The following SMURF1 variants were observed in gnomAD, a reference collection of about 807,000 sequenced individuals.
SMURF1 encodes the protein E3 ubiquitin-protein ligase SMURF1.
In SMURF1, 44 loss-of-function variants were observed where a neutral mutation model predicts 98.0. The observed-to-expected ratio is 0.45, with a 90% CI of 0.35 to 0.58. The LOEUF (loss-of-function observed/expected upper bound fraction) is 0.58. Among genes scored for constraint, SMURF1 ranks in the 20% least tolerant of loss-of-function variants. The pLI, the probability that SMURF1 is intolerant of heterozygous loss-of-function variation, is 0.00. For synonymous variants in SMURF1, 396 were observed against 374.9 expected, an observed-to-expected ratio of 1.06 and a Z score of -0.65; for missense variants, 687 against 938.4, an observed-to-expected ratio of 0.73 and a Z score of 3.50.
intron 11 of SMURF1, among the ~76,000 whole-genome samples, chr7:99,043,164 C>G (rs1795450234): frequency 6.6e-6 from 1 of 152,138 alleles, no homozygotes; most frequent in Non-Finnish European, 1.5e-5. Context: ...TCCGACCGAG[C>G]CATGGACAGC....
intron 9 of SMURF1, 59 bp downstream of exon 9, chr7:99,049,504 C>G: frequency 6.5e-7 from 1 of 1,546,686 alleles, no homozygotes; most frequent in Non-Finnish European, 8.9e-7. Context: ...AATACCAGTC[C>G]AAGAAAGCAT....
intron 5 of SMURF1, among the ~76,000 whole-genome samples, chr7:99,055,595 A>G (rs1480159100): frequency 1.3e-5 from 2 of 152,174 alleles, no homozygotes; most frequent in Non-Finnish European, 2.9e-5. Flanking sequence ...CCTCAGCCTC[A>G]GAGTAGCTAG....
At chr7:99,089,105 G>T (rs1461027662) in intron 1 of SMURF1, among the ~76,000 whole-genome samples, 1 of 151,948 alleles carries the variant, frequency 6.6e-6, no homozygotes, top group Non-Finnish European at 1.5e-5. Context: ...TCAGGAGGCT[G>T]AGGCAGGAGA....
At chr7:99,069,123 G>A (rs781380789) in intron 1 of SMURF1, among the ~76,000 whole-genome samples, 8 of 152,060 alleles carry the variant, frequency 5.3e-5, no homozygotes, top group African/African-American at 1.4e-4. Context: ...AACAAAAAAC[G>A]GTGACAGAGC....
At chr7:99,111,594 A>C (rs914000872) in intron 1 of SMURF1, among the ~76,000 whole-genome samples, 1 of 152,222 alleles carries the variant, frequency 6.6e-6, no homozygotes, top group Admixed American at 6.5e-5. Flanking sequence ...GCCAGAATCA[A>C]CTGTTTCAGA....
intron 1 of SMURF1, among the ~76,000 whole-genome samples, chr7:99,125,365 G>T (rs901754123): frequency 1.3e-5 from 2 of 152,150 alleles, no homozygotes; most frequent in East Asian, 3.9e-4. Flanking sequence ...GGGATTACAG[G>T]CATGAGCCAC....
intron 1 of SMURF1, among the ~76,000 whole-genome samples, chr7:99,075,457 TAGTC>T (rs1398270471): frequency 6.6e-6 from 1 of 152,194 alleles, no homozygotes; most frequent in Non-Finnish European, 1.5e-5. Context: ...ATTTATTTAT[TAGTC>T]AGAAATATAG....
At chr7:99,044,135 A>T (rs1795491109) in intron 11 of SMURF1, among the ~76,000 whole-genome samples, 1 of 152,144 alleles carries the variant, frequency 6.6e-6, no homozygotes, top group African/African-American at 2.4e-5. Context: ...ACCATGGTGA[A>T]ACCCCATCTC....
chr7:99,069,720 C>G (rs1362264211), intron 1 of SMURF1, among the ~76,000 whole-genome samples: 1 of 151,620 alleles, frequency 6.6e-6, no homozygotes, highest in East Asian at 1.9e-4. Flanking sequence ...GAAAAAAAGT[C>G]ACATTTCAGT....
intron 1 of SMURF1, among the ~76,000 whole-genome samples, chr7:99,119,748 G>A (rs1039041921): frequency 6.6e-6 from 1 of 152,256 alleles, no homozygotes. Flanking sequence ...GACAGGTAAG[G>A]GGGTTCTCTA....
chr7:99,126,295 T>G (rs529905656), intron 1 of SMURF1, among the ~76,000 whole-genome samples: 1 of 152,300 alleles, frequency 6.6e-6, no homozygotes, highest in African/African-American at 2.4e-5. Flanking sequence ...AAGCCTCATT[T>G]CAAATAATAA....
intron 1 of SMURF1, among the ~76,000 whole-genome samples, chr7:99,134,181 C>T (rs1196110921): frequency 2.3e-4 from 32 of 137,396 alleles, no homozygotes; most frequent in Non-Finnish European, 4.5e-4. Context: ...GGTTTTGTTT[C>T]GTTTTTTTTT....
rs1275872719 is a variant in SMURF1, at chr7:99,049,681, G to A, written c.835C>T (p.Leu279Phe). Reference sequence around the variant, plus strand: ...TCCCAGCCTGGCGGCAGTGGTCCAAGTTCATCACAGTTCACACTGTTAAGG... The same window carrying A: ...TCCCAGCCTGGCGGCAGTGGTCCAAATTCATCACAGTTCACACTGTTAAGG... ...RDLNSVNCDELGPLPPGWEVR... is the reference protein window; with the variant it reads ...RDLNSVNCDEFGPLPPGWEVR... Residue 279 changes from leucine to phenylalanine, a missense_variant, in exon 9 of 18, where the codon CTT (leucine) becomes TTT (phenylalanine). Leu to Phe is a conservative substitution (Grantham distance 22, BLOSUM62 0). Coordinates refer to ENST00000361368, the MANE Select transcript of SMURF1 (RefSeq NM_181349.3). 6.2e-7 allele frequency: 1 copy of A among 1,614,050 alleles called. No individual in the cohort carries two copies. The highest frequency in any genetic ancestry group is 1.1e-5 in the South Asian group (1 of 91,068).
At position 99,035,524 on chromosome 7, in the gene SMURF1, C is replaced by A. The variant is rs1452788327; in HGVS notation, c.2002G>T (p.Ala668Ser). The change falls in exon 16 of 18, where the codon GCT becomes TCT. Residue 668 changes from alanine (A) to serine (S), a missense_variant. Around this residue, in one of 2 missense-constraint regions of SMURF1, gnomAD observed 272 missense variants for 430.0 expected, o/e 0.63. Coordinates refer to ENST00000361368, the MANE Select transcript of SMURF1 (RefSeq NM_181349.3). Reference sequence around the variant, plus strand: ...CCTCCACGTCAGTCACCTTGCAAAGCCTTGAAGCCTTGGAGCGGGACTCGC... The same window carrying A: ...CCTCCACGTCAGTCACCTTGCAAAGACTTGAAGCCTTGGAGCGGGACTCGC... ...STRVPLQGFK[A>S]LQGSTGAAGP... 2 of 1,614,090 alleles carry A rather than the reference C, an allele frequency of 1.2e-6. No homozygotes were observed. Among genetic ancestry groups the A allele is most frequent in the Non-Finnish European group, 1.7e-6 (2 of 1,180,060 alleles).
In SMURF1 at chr7:99,076,902, TG is replaced by T. The variant is rs544785195; in HGVS notation, c.56-15066del. Among the ~76,000 whole-genome samples the T allele has an allele frequency of 3.9e-3, 586 of 151,992 alleles. 7 individuals are homozygous for T. Among genetic ancestry groups the T allele is most frequent in the Middle Eastern group, 6.8e-3 (2 of 292 alleles). On this transcript the variant is annotated intron_variant, in intron 1 of 17. Coordinates refer to ENST00000361368, the MANE Select transcript of SMURF1 (RefSeq NM_181349.3). ...ATGTGTGTGCACGTGTGTGCGCGTG[TG>T]GGGGCGGAAGGGGTAACATGGGAAC... is the stretch of plus-strand genomic sequence containing the variant.
intron 1 of SMURF1, among the ~76,000 whole-genome samples, chr7:99,126,439 C>T (rs893831554): frequency 4.0e-5 from 6 of 150,956 alleles, no homozygotes; most frequent in African/African-American, 1.2e-4. Context: ...AGGCGGATCA[C>T]GAGGTCAGAT....
At chr7:99,037,595 A>G (rs1008096379) in intron 14 of SMURF1, among the ~76,000 whole-genome samples, 1 of 151,910 alleles carries the variant, frequency 6.6e-6, no homozygotes, top group African/African-American at 2.4e-5. Context: ...TGAGCCCCCC[A>G]CTCCCCGGAT....
chr7:99,107,797 A>C (rs1478656229), intron 1 of SMURF1, among the ~76,000 whole-genome samples: 1 of 152,158 alleles, frequency 6.6e-6, no homozygotes, highest in East Asian at 1.9e-4. Context: ...TCTTAATGCA[A>C]CCTCACACGT....
At chr7:99,124,025 A>G (rs1797696936) in intron 1 of SMURF1, among the ~76,000 whole-genome samples, 1 of 152,314 alleles carries the variant, frequency 6.6e-6, no homozygotes, top group Non-Finnish European at 1.5e-5. Flanking sequence ...GGCTACTGGT[A>G]TGTGGTGGAA....
Sources: allele counts gnomAD v4.1 joint callset (sites outside exome capture counted in the v4.1 genomes callset), GRCh38; gene constraint gnomAD v4.1.1; regional missense constraint gnomAD v4.1.1; transcripts MANE v1.5; gene names NCBI Gene and HGNC (gene_info 2026-07-23, HGNC 2026-07-21).